The following MAML3 variants were observed in gnomAD, a reference collection of about 807,000 sequenced individuals.
The protein encoded by MAML3 is mastermind-like protein 3.
In MAML3, 27 loss-of-function variants were observed where a neutral mutation model predicts 101.9. The observed-to-expected ratio is 0.27, with a 90% confidence interval of 0.20 to 0.37. The LOEUF is 0.37. MAML3 is among the 10% of genes least tolerant of loss of function. The probability of loss-of-function intolerance (pLI) is 1.00; values close to 1 mark genes in which losing one functional copy is unlikely to be tolerated. For synonymous variants in MAML3, 501 were observed against 555.9 expected, an observed-to-expected ratio of 0.90 and a Z score of 1.39; for missense variants, 1,316 against 1,444.9, an observed-to-expected ratio of 0.91 and a Z score of 1.45.
intron 2 of MAML3, among the ~76,000 whole-genome samples, chr4:139,811,184 T>G (rs1730790451): frequency 6.6e-6 from 1 of 152,234 alleles, no homozygotes; most frequent in Non-Finnish European, 1.5e-5. Context: ...CTTACGCCAC[T>G]GTTATAGAGT....
chr4:139,834,830 C>G (rs1340173621), intron 2 of MAML3, among the ~76,000 whole-genome samples: 2 of 152,130 alleles, frequency 1.3e-5, no homozygotes, highest in African/African-American at 2.4e-5. Flanking sequence ...GTGACTACCC[C>G]TTTCTGGGAG....
At chr4:140,054,227 G>A (rs868164264) in intron 1 of MAML3, among the ~76,000 whole-genome samples, 8 of 151,784 alleles carry the variant, frequency 5.3e-5, no homozygotes, top group African/African-American at 1.2e-4. Context: ...AAAACTAGCC[G>A]GGCATGGGAC....
chr4:140,027,070 A>G (rs1359128096), intron 1 of MAML3, among the ~76,000 whole-genome samples: 1 of 152,162 alleles, frequency 6.6e-6, no homozygotes, highest in African/African-American at 2.4e-5. Flanking sequence ...AAGGAAAAAA[A>G]AAAAAGACAG....
chr4:139,732,902 A>G (rs767905592), intron 2 of MAML3, among the ~76,000 whole-genome samples: 18 of 152,316 alleles, frequency 1.2e-4, no homozygotes, highest in South Asian at 4.1e-4. Context: ...TATTTTCTCT[A>G]TAAATACACA....
chr4:140,115,486 T>C (rs1728503227), intron 1 of MAML3, among the ~76,000 whole-genome samples: 1 of 152,232 alleles, frequency 6.6e-6, no homozygotes, highest in Admixed American at 6.5e-5. Context: ...GTAAATATTT[T>C]CATCCACAAT....
At chr4:140,104,408 A>ATATAATATAATATATTATATATT (rs368174569) in intron 1 of MAML3, among the ~76,000 whole-genome samples, 1 of 54,986 alleles carries the variant, frequency 1.8e-5, no homozygotes, top group South Asian at 4.5e-4. Flanking sequence ...TATAATATAT[A>ATATAATATAATATATTATATATT]ATATAATATA....
At chr4:139,928,953 A>G (rs1733323083) in intron 1 of MAML3, among the ~76,000 whole-genome samples, 1 of 152,228 alleles carries the variant, frequency 6.6e-6, no homozygotes, top group Admixed American at 6.5e-5. Flanking sequence ...GGGCAAGGGC[A>G]ACAGCTGTGA....
At chr4:139,726,793 G>T (rs1728489697) in intron 3 of MAML3, among the ~76,000 whole-genome samples, 1 of 152,206 alleles carries the variant, frequency 6.6e-6, no homozygotes, top group African/African-American at 2.4e-5. Context: ...CGGGGATGCT[G>T]CACTGCTAGT....
intron 1 of MAML3, among the ~76,000 whole-genome samples, chr4:139,952,022 G>A (rs1420867410): frequency 2.6e-5 from 4 of 152,124 alleles, no homozygotes; most frequent in African/African-American, 7.2e-5. Context: ...AAAATTAGCC[G>A]TGTGTAGCGG....
intron 1 of MAML3, among the ~76,000 whole-genome samples, chr4:139,977,602 G>T (rs999891295): frequency 3.3e-5 from 5 of 152,202 alleles, no homozygotes; most frequent in Non-Finnish European, 7.3e-5. Flanking sequence ...GCCAGGCGCG[G>T]TAGCTCACGC....
Position 139,799,689 on chromosome 4 carries a change from T to C in MAML3, c.2080-69022A>G, listed in dbSNP as rs574833051. On this transcript the variant is annotated intron_variant, in intron 2 of 4. Coordinates refer to ENST00000509479, the MANE Select transcript of MAML3 (RefSeq NM_018717.5). ...AAGACAGGAAGGAGATGCATTCTTA[T>C]CTTTCCCCCAAGGTCAAAGTGATGC... Among the ~76,000 whole-genome samples, 21 of 152,332 alleles carry C rather than the reference T, an allele frequency of 1.4e-4. No homozygotes were observed. The South Asian group carries it at 4.4e-3, about 32-fold the overall frequency.
chr4:140,146,102 A>C (rs956779685), intron 1 of MAML3, among the ~76,000 whole-genome samples: 4 of 150,140 alleles, frequency 2.7e-5, no homozygotes, highest in African/African-American at 9.9e-5. Context: ...CAAACTCCTG[A>C]TCTCAACTGA....
intron 1 of MAML3, among the ~76,000 whole-genome samples, chr4:139,897,161 C>A (rs1320927028): frequency 1.3e-5 from 2 of 152,194 alleles, no homozygotes; most frequent in East Asian, 3.9e-4. Context: ...AATGAAGATT[C>A]TAAGATGGAA....
intron 1 of MAML3, among the ~76,000 whole-genome samples, chr4:140,080,708 T>C (rs1009199483): frequency 3.4e-5 from 3 of 87,910 alleles, no homozygotes; most frequent in African/African-American, 8.2e-5. Flanking sequence ...CTCCAACTTA[T>C]GTTTTCCCAA....
intron 2 of MAML3, among the ~76,000 whole-genome samples, chr4:139,749,893 C>CG (rs200742410): frequency 0.11 from 15,329 of 141,238 alleles, 1,025 homozygotes; most frequent in African/African-American, 0.14. Context: ...GAACCCCCCC[C>CG]CACCCTATTC....
At chr4:139,748,053 TA>T (rs34801574) in intron 2 of MAML3, among the ~76,000 whole-genome samples, 67,845 of 94,990 alleles carry the variant, frequency 0.71, 24,060 homozygotes, top group Middle Eastern at 0.84. Context: ...AGACTTCGTC[TA>T]AAAAAAAAAA....
intron 1 of MAML3, among the ~76,000 whole-genome samples, chr4:140,110,415 C>T (rs1226937130): frequency 6.6e-6 from 1 of 152,166 alleles, no homozygotes; most frequent in African/African-American, 2.4e-5. Context: ...CACACCTTTC[C>T]TTCACGCTCT....
At chr4:139,900,308 CT>C (rs1424050658) in intron 1 of MAML3, among the ~76,000 whole-genome samples, 1 of 152,112 alleles carries the variant, frequency 6.6e-6, no homozygotes, top group Non-Finnish European at 1.5e-5. Context: ...TATTTTAAAT[CT>C]TTTTTGGGGG....
At chr4:140,055,062 T>C (rs568829910) in intron 1 of MAML3, among the ~76,000 whole-genome samples, 2 of 152,304 alleles carry the variant, frequency 1.3e-5, no homozygotes, top group African/African-American at 4.8e-5. Context: ...CTGTCAGGGA[T>C]TCTGTAGAAG....
Sources: gnomAD v4.1 joint callset for allele counts (sites outside exome capture counted in the v4.1 genomes callset) on GRCh38, gnomAD v4.1.1 for gene constraint, MANE v1.5 for transcripts, NCBI Gene and HGNC (gene_info 2026-07-23, HGNC 2026-07-21) for gene names.